Variants in SH3KBP1 observed in about 807,000 individuals in gnomAD.
SH3KBP1 encodes SH3 domain containing kinase binding protein 1.
Under a neutral mutation model 50.1 loss-of-function variants are expected in SH3KBP1, and 8 were observed. The observed-to-expected ratio is 0.16, with a 90% CI of 0.09 to 0.29. SH3KBP1 has a LOEUF of 0.29. Ranked by LOEUF, SH3KBP1 falls within the 10% of genes least tolerant of loss-of-function variation. The probability of loss-of-function intolerance (pLI) is 1.00; values close to 1 mark genes in which losing one functional copy is unlikely to be tolerated. For synonymous variants in SH3KBP1, 227 were observed against 218.6 expected (o/e 1.04, Z -0.34); for missense variants, 377 against 535.2 (o/e 0.70, Z 2.92).
chrX:19,745,342 G>A (rs780006301), intron 3 of SH3KBP1, among the ~76,000 whole-genome samples: 18 of 112,472 alleles, frequency 1.6e-4, no homozygotes, highest in Non-Finnish European at 3.0e-4. Flanking sequence ...GGAGGCAGTA[G>A]AGGAAGAGAC....
intron 8 of SH3KBP1, among the ~76,000 whole-genome samples, chrX:19,613,804 G>A (rs2067509728): frequency 8.9e-6 from 1 of 112,178 alleles, no homozygotes; most frequent in Non-Finnish European, 1.9e-5. Flanking sequence ...TGTTCAAGTG[G>A]AACTCAGAGA....
chrX:19,882,453 G>T (rs2147582171), intron 1 of SH3KBP1, among the ~76,000 whole-genome samples: 1 of 111,434 alleles, frequency 9.0e-6, no homozygotes, highest in South Asian at 3.8e-4. Context: ...ATGATGTGAT[G>T]GGAGAGAGAG....
intron 13 of SH3KBP1, among the ~76,000 whole-genome samples, chrX:19,560,689 G>A (rs2065646047): frequency 9.0e-6 from 1 of 111,395 alleles, no homozygotes; most frequent in African/African-American, 3.3e-5. Context: ...GTCAGCTTCA[G>A]TGGGATGAGC....
Position 19,887,333 on chromosome X carries a change from G to A in SH3KBP1, c.-23C>T. ...CATTGGCGTCGAGCCGGGCCGGGCC[G>A]CCGAGGCAGCGTGAAAGTTGGCGGA... On this transcript the variant is annotated 5_prime_UTR_variant, in exon 1 of 18. Coordinates refer to ENST00000397821, the MANE Select transcript of SH3KBP1 (RefSeq NM_031892.3). 1 of 974,667 alleles carries A rather than the reference G, an allele frequency of 1.0e-6. No individual in the cohort carries two copies. Among genetic ancestry groups the A allele is most frequent in the Non-Finnish European group, 1.3e-6 (1 of 774,275 alleles). 80.3% of individuals were successfully genotyped at this position (974,667 alleles called of 1,213,427 possible).
intron 13 of SH3KBP1, among the ~76,000 whole-genome samples, chrX:19,550,290 A>G: frequency 8.9e-6 from 1 of 111,817 alleles, no homozygotes; most frequent in Non-Finnish European, 1.9e-5. Context: ...TTAACAAGCT[A>G]TTGCATGGAA....
At chrX:19,835,553 G>A (rs1438866821) in intron 2 of SH3KBP1, among the ~76,000 whole-genome samples, 5 of 108,977 alleles carry the variant, frequency 4.6e-5, no homozygotes, top group Non-Finnish European at 9.5e-5. Flanking sequence ...AAATAAACAA[G>A]TACATACAAC....
chrX:19,563,817 G>T (rs1016605254), intron 13 of SH3KBP1, among the ~76,000 whole-genome samples: 9 of 111,458 alleles, frequency 8.1e-5, no homozygotes, highest in African/African-American at 2.9e-4. Context: ...GTGTCTGAAG[G>T]TTGCCAGTAA....
intron 6 of SH3KBP1, among the ~76,000 whole-genome samples, chrX:19,674,277 TA>T (rs1300893557): frequency 9.1e-6 from 1 of 109,855 alleles, no homozygotes; most frequent in African/African-American, 3.3e-5. Flanking sequence ...CCTGTCAGGT[TA>T]AAAAAAAACC....
intron 2 of SH3KBP1, among the ~76,000 whole-genome samples, chrX:19,773,512 C>A (rs755390281): frequency 2.4e-4 from 26 of 108,795 alleles, no homozygotes; most frequent in South Asian, 1.6e-3. Context: ...CACACACACA[C>A]ACACACACAC....
chrX:19,805,692 T>C (rs2067024905), intron 2 of SH3KBP1, among the ~76,000 whole-genome samples: 1 of 110,368 alleles, frequency 9.1e-6, no homozygotes, highest in African/African-American at 3.3e-5. Flanking sequence ...TATACCATAG[T>C]ACAATTAGGG....
intron 4 of SH3KBP1, among the ~76,000 whole-genome samples, chrX:19,705,487 T>C (rs1302274518): frequency 8.9e-6 from 1 of 111,856 alleles, no homozygotes; most frequent in Admixed American, 9.5e-5. Flanking sequence ...CATTCATTTT[T>C]TCACTCATTC....
chrX:19,822,491 A>G (rs1282469661), intron 2 of SH3KBP1, among the ~76,000 whole-genome samples: 1 of 112,091 alleles, frequency 8.9e-6, no homozygotes, highest in East Asian at 2.8e-4. Flanking sequence ...TTTTGGTTCA[A>G]TAACTTCCAT....
At chrX:19,869,069 G>A (rs769412972) in intron 1 of SH3KBP1, among the ~76,000 whole-genome samples, 1 of 111,231 alleles carries the variant, frequency 9.0e-6, no homozygotes, top group African/African-American at 3.3e-5. Flanking sequence ...AGGGTGATGT[G>A]AGGAAGAGGC....
intron 9 of SH3KBP1, among the ~76,000 whole-genome samples, chrX:19,606,693 C>T (rs957564987): frequency 6.2e-5 from 7 of 112,065 alleles, no homozygotes; most frequent in African/African-American, 1.3e-4. Context: ...CACCAGAGAA[C>T]GCTGTTAAAA....
At chrX:19,695,488 C>T in intron 5 of SH3KBP1, 124 bp downstream of exon 5, 1 of 895,846 alleles carries the variant, frequency 1.1e-6, no homozygotes, top group Non-Finnish European at 1.6e-6. Flanking sequence ...GGCAGTATAA[C>T]CAAAAAAATA....
At chrX:19,874,068 A>AAAAAAAAAAAATAT (rs1491537486) in intron 1 of SH3KBP1, among the ~76,000 whole-genome samples, 31 of 57,027 alleles carry the variant, frequency 5.4e-4, no homozygotes, top group African/African-American at 4.3e-3. Flanking sequence ...AAAAAAAAAA[A>AAAAAAAAAAAATAT]ATATATATAT....
At chrX:19,618,949 AGAGT>A (rs1276020799) in intron 8 of SH3KBP1, among the ~76,000 whole-genome samples, 1 of 99,361 alleles carries the variant, frequency 1.0e-5, no homozygotes, top group Non-Finnish European at 2.0e-5. Flanking sequence ...CTGGGTGACA[AGAGT>A]GAGACCCTGT....
intron 6 of SH3KBP1, among the ~76,000 whole-genome samples, chrX:19,660,764 T>C (rs1001725570): frequency 8.9e-6 from 1 of 112,243 alleles, no homozygotes; most frequent in East Asian, 2.8e-4. Flanking sequence ...ATTGAAACTT[T>C]TGATACTCAG....
At chrX:19,595,929 T>C (rs1280459099) in intron 9 of SH3KBP1, among the ~76,000 whole-genome samples, 4 of 112,088 alleles carry the variant, frequency 3.6e-5, no homozygotes, top group Non-Finnish European at 7.5e-5. Flanking sequence ...CAGAGAAATA[T>C]ACTTTATTAA....
Sources: gnomAD v4.1 joint callset for allele counts (sites outside exome capture counted in the v4.1 genomes callset) on GRCh38, gnomAD v4.1.1 for gene constraint, MANE v1.5 for transcripts, NCBI Gene and HGNC (gene_info 2026-07-23, HGNC 2026-07-21) for gene names.